PLD5: variants seen among roughly 807,000 people sequenced by gnomAD.
The protein encoded by PLD5 is phospholipase D family member 5.
Under a neutral mutation model 61.1 loss-of-function variants are expected in PLD5, and 36 were observed. That is an observed-to-expected ratio of 0.59 (90% CI 0.45 to 0.78). PLD5 has a LOEUF of 0.78. PLD5 is among the 30% of genes least tolerant of loss of function. The pLI, the probability that PLD5 is intolerant of heterozygous loss-of-function variation, is 0.00. For missense variants in PLD5, 515 were observed against 644.4 expected, an observed-to-expected ratio of 0.80 and a Z score of 2.17; for synonymous variants, 243 against 242.8, an observed-to-expected ratio of 1.00 and a Z score of -0.01.
chr1:242,165,406 GTTCACATCCTTAGTCTGATAA>G (rs534640849), intron 5 of PLD5, among the ~76,000 whole-genome samples: 1 of 148,070 alleles, frequency 6.8e-6, no homozygotes, highest in East Asian at 2.0e-4. Flanking sequence ...AAAAAAGACT[GTTCACATCCTTAGTCTGATAA>G]ATAGGTTGTG....
chr1:242,213,735 C>T (rs1170206432), intron 5 of PLD5, among the ~76,000 whole-genome samples: 3 of 150,734 alleles, frequency 2.0e-5, no homozygotes, highest in African/African-American at 7.3e-5. Context: ...AACAAGCCAC[C>T]TCTCAGAGGC....
chr1:242,185,595 G>A (rs1667821987), intron 5 of PLD5, among the ~76,000 whole-genome samples: 1 of 152,142 alleles, frequency 6.6e-6, no homozygotes, highest in Admixed American at 6.6e-5. Flanking sequence ...GGGGTAGAGA[G>A]ATATTATACA....
intron 7 of PLD5, among the ~76,000 whole-genome samples, chr1:242,111,151 G>T (rs980566592): frequency 6.6e-6 from 1 of 151,788 alleles, no homozygotes; most frequent in Admixed American, 6.6e-5. Context: ...TGGCTGTCGA[G>T]GTTCAAGCGA....
chr1:242,174,448 G>C (rs1413148159), intron 5 of PLD5, among the ~76,000 whole-genome samples: 9 of 151,836 alleles, frequency 5.9e-5, no homozygotes, highest in African/African-American at 1.7e-4. Flanking sequence ...TACACTGTTG[G>C]TGGGACTGTA....
chr1:242,166,589 G>T (rs1474757193), intron 5 of PLD5, among the ~76,000 whole-genome samples: 1 of 152,162 alleles, frequency 6.6e-6, no homozygotes, highest in African/African-American at 2.4e-5. Flanking sequence ...TATTAAAAGT[G>T]AATATGTCAA....
intron 1 of PLD5, among the ~76,000 whole-genome samples, chr1:242,414,850 A>G (rs1362243097): frequency 6.6e-6 from 1 of 152,234 alleles, no homozygotes; most frequent in Non-Finnish European, 1.5e-5. Flanking sequence ...ACAAATGACA[A>G]ATTGAGGAAA....
At chr1:242,405,838 G>A (rs1664207256) in intron 1 of PLD5, among the ~76,000 whole-genome samples, 2 of 152,000 alleles carry the variant, frequency 1.3e-5, no homozygotes, top group African/African-American at 4.8e-5. Context: ...CTGACCTCAG[G>A]TGATCTGCCC....
chr1:242,370,625 G>A (rs535509977), intron 1 of PLD5, among the ~76,000 whole-genome samples: 1 of 152,104 alleles, frequency 6.6e-6, no homozygotes, highest in Non-Finnish European at 1.5e-5. Flanking sequence ...CTGCAGTAGA[G>A]AATTAGGGAT....
chr1:242,123,639 A>T (rs1196327872), intron 6 of PLD5, among the ~76,000 whole-genome samples: 2 of 152,246 alleles, frequency 1.3e-5, no homozygotes, highest in Non-Finnish European at 2.9e-5. Flanking sequence ...ACAGGTGGAG[A>T]ACGTGCAAAC....
chr1:242,206,670 T>C (rs917467349), intron 5 of PLD5, among the ~76,000 whole-genome samples: 1 of 152,140 alleles, frequency 6.6e-6, no homozygotes, highest in Non-Finnish European at 1.5e-5. Context: ...AGGGAAAATA[T>C]ATTTACTATT....
chr1:242,390,717 A>T (rs1223205685), intron 1 of PLD5, among the ~76,000 whole-genome samples: 1 of 152,132 alleles, frequency 6.6e-6, no homozygotes, highest in Non-Finnish European at 1.5e-5. Flanking sequence ...TTGGCATGAA[A>T]TCAGTCCCTG....
rs1367425216 is a variant in PLD5 at position 242,100,670 on chromosome 1, A to G, written c.1352T>C (p.Ile451Thr). The change falls in exon 9 of 10, where the codon ATT (isoleucine) becomes ACT (threonine). Residue 451 changes from isoleucine to threonine, a missense_variant and splice_region_variant. Around this residue, in one of 2 missense-constraint regions of PLD5, gnomAD observed 450 missense variants for 598.1 expected, o/e 0.75. Transcript: ENST00000536534. Reference sequence around the variant, plus strand: ...AGCTTCACAGCCCTGACACCTACCAATATAAGCTGCTCCATCTGTCACCAT... The same window carrying G: ...AGCTTCACAGCCCTGACACCTACCAGTATAAGCTGCTCCATCTGTCACCAT... The part of the protein sequence containing the change: ...KYMVTDGAAY[I>T]GNFDWVGNDF... 3 of 1,612,966 alleles carry G rather than the reference A, an allele frequency of 1.9e-6. No individual in the cohort carries two copies. The highest frequency in any genetic ancestry group is 2.2e-5 in the East Asian group (1 of 44,870).
At chr1:242,400,989 T>C (rs1663898658) in intron 1 of PLD5, among the ~76,000 whole-genome samples, 1 of 152,186 alleles carries the variant, frequency 6.6e-6, no homozygotes, top group Non-Finnish European at 1.5e-5. Flanking sequence ...CTCTGAGCCC[T>C]GGACTGTTCT....
At chr1:242,096,309 A>T (rs535761983) in intron 9 of PLD5, among the ~76,000 whole-genome samples, 1 of 150,610 alleles carries the variant, frequency 6.6e-6, no homozygotes, top group African/African-American at 2.4e-5. Flanking sequence ...CGATCGATCG[A>T]AAGATCGATC....
At chr1:242,504,926 CAGG>C (rs1668672733) in intron 1 of PLD5, among the ~76,000 whole-genome samples, 1 of 152,132 alleles carries the variant, frequency 6.6e-6, no homozygotes, top group African/African-American at 2.4e-5. Context: ...GAGGCCAGGG[CAGG>C]AGGATTGCTT....
At chr1:242,121,207 TGCTGCTTTTAGC>T (rs1243456285) in intron 6 of PLD5, among the ~76,000 whole-genome samples, 22 of 152,230 alleles carry the variant, frequency 1.4e-4, no homozygotes, top group African/African-American at 5.3e-4. Flanking sequence ...CAACATTCAT[TGCTGCTTTTAGC>T]TAGCACTAAG....
At chr1:242,228,332 C>T (rs963064818) in intron 4 of PLD5, among the ~76,000 whole-genome samples, 4 of 152,150 alleles carry the variant, frequency 2.6e-5, no homozygotes, top group Non-Finnish European at 5.9e-5. Context: ...TTATGTGCAG[C>T]GTATACATGC....
intron 4 of PLD5, among the ~76,000 whole-genome samples, chr1:242,237,057 T>G (rs903686085): frequency 6.6e-6 from 1 of 152,150 alleles, no homozygotes; most frequent in Non-Finnish European, 1.5e-5. Flanking sequence ...CCATTAACCA[T>G]GGAACAGAAA....
intron 1 of PLD5, among the ~76,000 whole-genome samples, chr1:242,426,206 G>A (rs2102880385): frequency 6.6e-6 from 1 of 151,728 alleles, no homozygotes; most frequent in African/African-American, 2.4e-5. Context: ...TTATCCCACT[G>A]GAAGGTAGTC....
Sources: allele counts gnomAD v4.1 joint callset (sites outside exome capture counted in the v4.1 genomes callset), GRCh38; gene constraint gnomAD v4.1.1; regional missense constraint gnomAD v4.1.1; transcripts MANE v1.5; gene names NCBI Gene and HGNC (gene_info 2026-07-23, HGNC 2026-07-21).